Variants in RHPN2 observed in about 807,000 individuals in gnomAD.
RHPN2 encodes rhophilin-2.
In RHPN2, 40 loss-of-function variants were observed where a neutral mutation model predicts 79.0. The ratio of observed to expected loss-of-function variants is 0.51; its 90% CI spans 0.39 to 0.66. The LOEUF (loss-of-function observed/expected upper bound fraction) is 0.66, where lower values mean the gene tolerates loss of function less well. Among genes scored for constraint, RHPN2 ranks in the 30% least tolerant of loss-of-function variants. The pLI, the probability that RHPN2 is intolerant of heterozygous loss-of-function variation, is 0.00. For synonymous variants in RHPN2, 285 were observed against 363.5 expected (o/e 0.78, Z 2.46); for missense variants, 686 against 883.5 (o/e 0.78, Z 2.83).
intron 2 of RHPN2, among the ~76,000 whole-genome samples, chr19:33,043,624 G>T (rs920203466): frequency 6.6e-6 from 1 of 152,188 alleles, no homozygotes; most frequent in Non-Finnish European, 1.5e-5. Flanking sequence ...AAGAAACTCT[G>T]CACTCTTTGT....
At chr19:33,002,172 T>G (rs1971753501) in intron 9 of RHPN2, 75 bp downstream of exon 9, 1 of 1,536,818 alleles carries the variant, frequency 6.5e-7, no homozygotes, top group South Asian at 1.2e-5. Flanking sequence ...CAGTTAGCTC[T>G]CACTCAGCTC....
intron 14 of RHPN2, among the ~76,000 whole-genome samples, chr19:32,989,553 T>G (rs879725638): frequency 1.3e-5 from 2 of 152,256 alleles, no homozygotes; most frequent in African/African-American, 2.4e-5. Flanking sequence ...CTTAAGCACT[T>G]CTGTACCATT....
chr19:33,014,962 G>A (rs1270657419), intron 4 of RHPN2, among the ~76,000 whole-genome samples: 1 of 152,018 alleles, frequency 6.6e-6, no homozygotes, highest in Non-Finnish European at 1.5e-5. Flanking sequence ...TGCTGAGGCA[G>A]GAGGAGGATC....
intron 4 of RHPN2, among the ~76,000 whole-genome samples, chr19:33,013,023 C>T (rs11084692): frequency 0.5 from 75,230 of 150,676 alleles, 18,738 homozygotes; most frequent in Non-Finnish European, 0.53. Flanking sequence ...TTACAGGCGC[C>T]CACCACAATG....
chr19:33,007,562 C>T (rs1028395134), intron 7 of RHPN2, among the ~76,000 whole-genome samples: 2 of 151,714 alleles, frequency 1.3e-5, no homozygotes, highest in African/African-American at 4.8e-5. Context: ...ATAAGGTACA[C>T]CTAATACAAG....
intron 1 of RHPN2, among the ~76,000 whole-genome samples, chr19:33,060,697 T>C (rs1252817195): frequency 6.6e-6 from 1 of 152,152 alleles, no homozygotes; most frequent in African/African-American, 2.4e-5. Flanking sequence ...TATGCCAGGC[T>C]GATTTTTAAA....
At chr19:33,008,370 G>C (rs1971810737) in intron 6 of RHPN2, among the ~76,000 whole-genome samples, 190 bp from the exon 7 acceptor site, 1 of 150,938 alleles carries the variant, frequency 6.6e-6, no homozygotes, top group Admixed American at 6.6e-5. Flanking sequence ...TCCCACCTCA[G>C]CCTCATGAGA....
chr19:32,993,995 C>T lies in RHPN2; in HGVS notation c.1479G>A (p.Thr493=), dbSNP rs138451485. 4.3e-4 allele frequency: 694 copies of T among 1,612,720 alleles called. No homozygotes were observed. Among genetic ancestry groups the T allele is most frequent in the Middle Eastern group, 4.9e-4 (3 of 6,078 alleles). ...AACATACCAGCTTCTGGAAGAAGTC[C>T]GTGACTGTCAGCTTGGAGAACTGGG... ...ILPQFSKLTV[T]DFFQKLGPLS... The change falls in exon 12 of 15, where the codon ACG becomes ACA. Residue 493 remains threonine, a synonymous_variant. Coordinates refer to ENST00000254260, the MANE Select transcript of RHPN2 (RefSeq NM_033103.5).
At chr19:33,046,524 C>T (rs1972144262) in intron 1 of RHPN2, among the ~76,000 whole-genome samples, 1 of 152,112 alleles carries the variant, frequency 6.6e-6, no homozygotes, top group Non-Finnish European at 1.5e-5. Flanking sequence ...GGCTTGGCTT[C>T]CCAATATGCT....
rs569053437 is a variant in RHPN2, at chr19:33,012,165, C to T, written c.469-362G>A. Among the ~76,000 whole-genome samples the T allele has an allele frequency of 2.4e-3, 372 of 152,016 alleles. 5 individuals carry two copies. Among genetic ancestry groups the T allele is most frequent in the Admixed American group, 7.6e-3 (116 of 15,222 alleles). ...CAAGTGATTCTCCTGCCTCAGCCTCCCGAGTAGCTGGGATTACAGGCGTGT... is the reference window on the plus strand; with the variant it reads ...CAAGTGATTCTCCTGCCTCAGCCTCTCGAGTAGCTGGGATTACAGGCGTGT... On this transcript the variant is annotated intron_variant, in intron 5 of 14. Transcript: ENST00000254260.
intron 1 of RHPN2, among the ~76,000 whole-genome samples, chr19:33,049,125 C>A (rs1972167576): frequency 6.6e-6 from 1 of 152,128 alleles, no homozygotes; most frequent in Non-Finnish European, 1.5e-5. Flanking sequence ...TTACTTATTC[C>A]TGACAGGTAG....
Position 33,023,368 on chromosome 19 carries a change from A to G in RHPN2, c.315-1722T>C, listed in dbSNP as rs906759262. Reference sequence around the variant, plus strand: ...GAGAATCACTTCAACCAGGAGGTGGAGGTAGCAGTGAGCCAAGATCACGCC... The same window carrying G: ...GAGAATCACTTCAACCAGGAGGTGGGGGTAGCAGTGAGCCAAGATCACGCC... On this transcript the variant is annotated intron_variant, in intron 3 of 14. Coordinates refer to ENST00000254260, the MANE Select transcript of RHPN2 (RefSeq NM_033103.5). Among the ~76,000 whole-genome samples, 3 of 147,368 alleles carry G rather than the reference A, an allele frequency of 2.0e-5. No individual in the cohort carries two copies. In the Admixed American group the frequency reaches 2.1e-4, roughly 10 times the overall value.
chr19:33,022,937 G>A (rs1404617822), intron 3 of RHPN2, among the ~76,000 whole-genome samples: 1 of 152,164 alleles, frequency 6.6e-6, no homozygotes, highest in African/African-American at 2.4e-5. Context: ...CAGCTGTCCA[G>A]GCAATGAGAA....
In RHPN2 at chr19:33,002,338, G is replaced by C. The variant is rs747010837; in HGVS notation, c.1014C>G (p.Pro338=). ...MSQAPVKENI[P]YSWASLACVK... The stretch of plus-strand genomic sequence containing the variant: ...CGCAGGCTAAGCTGGCCCAGGAGTA[G>C]GGGATGTTCTCTTTCACCGGCGCCT... Residue 338 remains proline (P), a synonymous_variant, in exon 9 of 15, where the codon CCC becomes CCG. Coordinates refer to ENST00000254260, the MANE Select transcript of RHPN2 (RefSeq NM_033103.5). 1.2e-6 allele frequency: 2 copies of C among 1,613,988 alleles called. No individual in the cohort carries two copies. Among genetic ancestry groups the C allele is most frequent in the South Asian group, 2.2e-5 (2 of 91,074 alleles).
At chr19:33,020,602 C>T (rs527933671) in intron 4 of RHPN2, among the ~76,000 whole-genome samples, 3 of 151,804 alleles carry the variant, frequency 2.0e-5, no homozygotes, top group South Asian at 2.1e-4. Context: ...CAGGTTCGAA[C>T]GACTCACCTG....
At chr19:33,006,904 T>C (rs1220807520) in intron 7 of RHPN2, among the ~76,000 whole-genome samples, 1 of 151,786 alleles carries the variant, frequency 6.6e-6, no homozygotes, top group Non-Finnish European at 1.5e-5. Flanking sequence ...TAGCCAGGCA[T>C]GGTGGCAGGC....
chr19:33,015,019 C>T (rs1971866639), intron 4 of RHPN2, among the ~76,000 whole-genome samples: 1 of 151,880 alleles, frequency 6.6e-6, no homozygotes. Context: ...GATCACATCA[C>T]TGCACTCCAA....
intron 2 of RHPN2, among the ~76,000 whole-genome samples, chr19:33,033,840 C>T (rs888017851): frequency 1.3e-5 from 2 of 151,936 alleles, no homozygotes; most frequent in African/African-American, 4.8e-5. Flanking sequence ...GCACTCCAGC[C>T]TGGGCAACAA....
chr19:32,983,283 C>T (rs576102209), intron 14 of RHPN2, among the ~76,000 whole-genome samples: 193 of 152,120 alleles, frequency 1.3e-3, no homozygotes, highest in Non-Finnish European at 2.2e-3. Context: ...GAGGCCAAGG[C>T]GGGCAGATCA....
Sources: allele counts gnomAD v4.1 joint callset (sites outside exome capture counted in the v4.1 genomes callset), GRCh38; gene constraint gnomAD v4.1.1; transcripts MANE v1.5; gene names NCBI Gene and HGNC (gene_info 2026-07-23, HGNC 2026-07-21).